The following OLAH variants were observed in gnomAD, a reference collection of about 807,000 sequenced individuals.
OLAH encodes the protein oleoyl-ACP hydrolase, also known as S-acyl fatty acid synthase thioesterase, medium chain.
A neutral mutation model predicts 27.8 loss-of-function variants in OLAH; 33 were observed. The ratio of observed to expected loss-of-function variants is 1.19; its 90% CI spans 0.90 to 1.59. OLAH has a LOEUF of 1.59. Ranked by LOEUF, OLAH falls within the 40% of genes most tolerant of loss-of-function variation. The pLI, the probability that OLAH is intolerant of heterozygous loss-of-function variation, is 0.00. For missense variants in OLAH, 359 were observed against 310.8 expected (o/e 1.16, Z -1.17); for synonymous variants, 120 against 102.9 (o/e 1.17, Z -1.01).
Position 15,036,542 on chromosome 10 carries a change from G to T in OLAH, c.-164+4192G>T, listed in dbSNP as rs537177624. 3.3e-5 allele frequency among the ~76,000 whole-genome samples: 5 copies of T among 152,226 alleles called. No homozygotes were observed. The East Asian group carries it at 9.7e-4, about 30-fold the overall frequency. On this transcript the variant is annotated intron_variant, in intron 1 of 3. Transcript: ENST00000413672. Reference sequence around the variant, plus strand: ...ATCTCACTCTTGCCCATGCTGGAGTGCAGTGCCACAACCACAGCTCACTGC... The same window carrying T: ...ATCTCACTCTTGCCCATGCTGGAGTTCAGTGCCACAACCACAGCTCACTGC...
chr10:15,065,412 C>A, intron 5 of OLAH, 172 bp from the exon 6 acceptor site: 1 of 593,262 alleles, frequency 1.7e-6, no homozygotes, highest in Non-Finnish European at 2.8e-6. Flanking sequence ...TACTGATGAG[C>A]CTTCTTCTCC....
In OLAH at chr10:15,073,206, G is replaced by C; in HGVS notation, c.775G>C (p.Val259Leu). ...IKNYIIKCLE[V>L]SSISNF is the part of the protein sequence containing the mutation. ...GAACTACATAATCAAGTGTCTAGAAGTATCATCGATATCCAATTTTTAGAT... is the reference window on the plus strand; with the variant it reads ...GAACTACATAATCAAGTGTCTAGAACTATCATCGATATCCAATTTTTAGAT... Residue 259 changes from valine to leucine, a missense_variant, in exon 8 of 8, where the codon GTA becomes CTA. By Grantham distance (32) the Val-to-Leu change is conservative. Transcript: ENST00000378228. The C allele has an allele frequency of 6.3e-7, 1 of 1,595,772 alleles. No individual in the cohort carries two copies. The highest frequency in any genetic ancestry group is 1.7e-4 in the Middle Eastern group (1 of 6,034).
chr10:15,057,452 C>A (rs1466844354), intron 3 of OLAH, among the ~76,000 whole-genome samples: 2 of 133,526 alleles, frequency 1.5e-5, no homozygotes, highest in Admixed American at 8.6e-5. Context: ...ATGGCACAAT[C>A]TCAGCTCACT....
chr10:15,066,521 G>T (rs1456242841), intron 6 of OLAH, among the ~76,000 whole-genome samples: 1 of 152,006 alleles, frequency 6.6e-6, no homozygotes, highest in Non-Finnish European at 1.5e-5. Context: ...CTCATGGGAT[G>T]TCTGTATAGA....
Position 15,058,676 on chromosome 10 carries a change from C to A in OLAH, c.164-3048C>A, listed in dbSNP as rs1421506436. Among the ~76,000 whole-genome samples the A allele has an allele frequency of 2.6e-5, 4 of 152,008 alleles. No individual in the cohort carries two copies. In the East Asian group the frequency reaches 7.7e-4, roughly 29 times the overall value. On this transcript the variant is annotated intron_variant, in intron 3 of 7. Coordinates refer to ENST00000378228, the MANE Select transcript of OLAH (RefSeq NM_001039702.3). ...TCTTTTATATATATTTACATGATTA[C>A]CTTTGTTAAAGTAGATCCAGATTTT...
chr10:15,035,495 C>A (rs1171279065), intron 1 of OLAH, among the ~76,000 whole-genome samples: 2 of 152,118 alleles, frequency 1.3e-5, no homozygotes, highest in Admixed American at 1.3e-4. Context: ...AAAGAGAAAG[C>A]TGGATGGGGA....
intron 3 of OLAH, among the ~76,000 whole-genome samples, chr10:15,050,137 T>C (rs957062378): frequency 1.3e-5 from 2 of 152,236 alleles, no homozygotes; most frequent in African/African-American, 4.8e-5. Flanking sequence ...CTGCTATAAA[T>C]CCAGGCGCAG....
intron 1 of OLAH, among the ~76,000 whole-genome samples, chr10:15,046,321 AATATAAAT>A (rs1288601762): frequency 1.4e-5 from 1 of 69,772 alleles, no homozygotes; most frequent in Non-Finnish European, 2.5e-5. Context: ...GTCTCAAAAA[AATATAAAT>A]AAATAAATAA....
At chr10:15,052,445 A>AT (rs1024242953) in intron 3 of OLAH, among the ~76,000 whole-genome samples, 10 of 151,988 alleles carry the variant, frequency 6.6e-5, no homozygotes, top group South Asian at 2.1e-4. Flanking sequence ...TTTTAAGAAA[A>AT]TTTTTTTTGT....
intron 2 of OLAH, among the ~76,000 whole-genome samples, 174 bp from the exon 3 acceptor site, chr10:15,049,459 AAC>A (rs1170456349): frequency 1.3e-5 from 2 of 152,154 alleles, no homozygotes; most frequent in African/African-American, 4.8e-5. Flanking sequence ...TCAAATTGTC[AAC>A]ACAGACTGTA....
chr10:15,062,215 C>A, intron 4 of OLAH: 1 of 171,208 alleles, frequency 5.8e-6, no homozygotes, highest in Non-Finnish European at 1.2e-5. Context: ...TATCTCTTAT[C>A]AGTTGTATGA....
At position 15,047,200 on chromosome 10, in the gene OLAH, C is replaced by G. The variant is rs1359729277; in HGVS notation, c.-89C>G. On this transcript the variant is annotated 5_prime_UTR_variant, in exon 2 of 8. Transcript: ENST00000378228. ...ACTCTTCTGTGTGCATAAGGCCGAG[C>G]AGAGGTTCTTCGTCTCAAGAGGAAC... 78 of 1,356,946 alleles carry G rather than the reference C, an allele frequency of 5.7e-5. No individual in the cohort carries two copies. Among genetic ancestry groups the G allele is most frequent in the Non-Finnish European group, 7.2e-5 (70 of 970,262 alleles). 84.1% of individuals were successfully genotyped at this position (1,356,946 alleles called of 1,614,324 possible).
intron 2 of OLAH, 193 bp downstream of exon 2, chr10:15,047,513 G>C: frequency 1.7e-6 from 1 of 581,206 alleles, no homozygotes; most frequent in Non-Finnish European, 3.1e-6. Context: ...TGGCCGACAT[G>C]GCAAAACCCT....
At position 15,047,333 on chromosome 10, in the gene OLAH, T is replaced by C. The variant is rs377337019; in HGVS notation, c.32+13T>C. The C allele has an allele frequency of 4.2e-5, 68 of 1,612,950 alleles. No individual in the cohort carries two copies. The African/African-American group carries it at 8.1e-4, about 19-fold the overall frequency. On this transcript the variant is annotated intron_variant, in intron 2 of 7. Transcript: ENST00000378228. ...CTAAGAGAACCAGGCAGGCCACCCCTTGTGCCACCAGGCTCTTCCTCCATC... is the reference window on the plus strand; with the variant it reads ...CTAAGAGAACCAGGCAGGCCACCCCCTGTGCCACCAGGCTCTTCCTCCATC...
chr10:15,034,016 A>G (rs1407019390), intron 1 of OLAH, among the ~76,000 whole-genome samples: 1 of 152,124 alleles, frequency 6.6e-6, no homozygotes, highest in Non-Finnish European at 1.5e-5. Flanking sequence ...TAGCAAAAGA[A>G]TCAGCTCTGC....
intron 2 of OLAH, among the ~76,000 whole-genome samples, chr10:15,048,714 G>A (rs1041751643): frequency 6.6e-6 from 1 of 152,146 alleles, no homozygotes; most frequent in Admixed American, 6.6e-5. Flanking sequence ...TAACATTTAT[G>A]TCACTTTAAG....
chr10:15,073,368 G>A lies in OLAH; in HGVS notation c.*139G>A, dbSNP rs546818499. 372 of 640,836 alleles carry A rather than the reference G, an allele frequency of 5.8e-4. No individual in the cohort carries two copies. The highest frequency in any genetic ancestry group is 4.6e-4 in the Non-Finnish European group (177 of 385,186). The allele number at this position is 640,836 out of a possible 1,614,324, so 39.7% of individuals were successfully genotyped here. On this transcript the variant is annotated 3_prime_UTR_variant, in exon 8 of 8. Coordinates refer to ENST00000378228, the MANE Select transcript of OLAH (RefSeq NM_001039702.3). ...AGATTCGTTACATAAATATATTTAC[G>A]TATCTGGGGACAAAGGTCAAGCCAG...
At chr10:15,055,237 A>C (rs1424785123) in intron 3 of OLAH, among the ~76,000 whole-genome samples, 1 of 152,216 alleles carries the variant, frequency 6.6e-6, no homozygotes, top group Non-Finnish European at 1.5e-5. Flanking sequence ...GTTTACGACA[A>C]AGTGTGTTAG....
At chr10:15,071,758 T>C (rs1278197522) in intron 6 of OLAH, 37 bp from the exon 7 acceptor site, 1 of 1,554,704 alleles carries the variant, frequency 6.4e-7, no homozygotes, top group South Asian at 1.2e-5. Context: ...GGATGTTGAT[T>C]TCAAACAATT....
Sources: allele counts gnomAD v4.1 joint callset (sites outside exome capture counted in the v4.1 genomes callset), GRCh38; gene constraint gnomAD v4.1.1; transcripts MANE v1.5; gene names NCBI Gene and HGNC (gene_info 2026-07-23, HGNC 2026-07-21).